SH3PXD2B: variants seen among roughly 807,000 people sequenced by gnomAD.
SH3PXD2B encodes SH3 and PX domain-containing protein 2B.
SH3PXD2B carries 37 observed loss-of-function variants against 73.1 expected under a neutral mutation model. The observed-to-expected ratio is 0.51, with a 90% confidence interval of 0.39 to 0.67. The LOEUF (loss-of-function observed/expected upper bound fraction) is 0.67, where lower values mean the gene tolerates loss of function less well. Among genes scored for constraint, SH3PXD2B ranks in the 30% least tolerant of loss-of-function variants. The pLI is 0.00. For missense variants in SH3PXD2B, 1,053 were observed against 1,197.8 expected (o/e 0.88, Z 1.78); for synonymous variants, 457 against 480.5 (o/e 0.95, Z 0.64).
In SH3PXD2B at chr5:172,337,511, G is replaced by A. The variant is rs1756732714; in HGVS notation, c.*858C>T. 4 of 985,404 alleles carry A rather than the reference G, an allele frequency of 4.1e-6. No individual in the cohort carries two copies. Among genetic ancestry groups the A allele is most frequent in the Non-Finnish European group, 4.8e-6 (4 of 829,988 alleles). 61.0% of individuals were successfully genotyped at this position (985,404 alleles called of 1,614,324 possible). On this transcript the variant is annotated 3_prime_UTR_variant, in exon 13 of 13. Coordinates refer to ENST00000311601, the MANE Select transcript of SH3PXD2B (RefSeq NM_001017995.3). The stretch of plus-strand genomic sequence containing the variant: ...CACCCACGAGGCACTCAGCAAAGGG[G>A]TGCTCACAAGGGCACGACTTGTGAA...
Position 172,350,544 on chromosome 5 carries a change from C to T in SH3PXD2B, c.831G>A (p.Lys277=), listed in dbSNP as rs746210492. The change falls in exon 10 of 13, where the codon AAG becomes AAA. Residue 277 remains lysine, a synonymous_variant. Coordinates refer to ENST00000311601, the MANE Select transcript of SH3PXD2B (RefSeq NM_001017995.3). ...TCGGGGGCAAGGGCTCCCCACTGTT[C>T]TTCTTTAGGTAGGAGGCGGGGGCCC... ...EGWAPASYLK[K]NSGEPLPPKP... is the part of the protein sequence containing the mutation. 3.1e-6 allele frequency: 5 copies of T among 1,613,440 alleles called. No homozygotes were observed. The highest frequency in any genetic ancestry group is 2.2e-5 in the East Asian group (1 of 44,870).
chr5:172,401,530 A>C (rs1347305707), intron 3 of SH3PXD2B, among the ~76,000 whole-genome samples: 2 of 152,172 alleles, frequency 1.3e-5, no homozygotes, highest in Non-Finnish European at 2.9e-5. Flanking sequence ...CCAGTCAAAG[A>C]ATCCGGCATC....
At position 172,344,512 on chromosome 5, in the gene SH3PXD2B, T is replaced by G. The variant is rs1224361588; in HGVS notation, c.1188+1624A>C. Among the ~76,000 whole-genome samples, 3 of 131,470 alleles carry G rather than the reference T, an allele frequency of 2.3e-5. No individual in the cohort carries two copies. In the Admixed American group the frequency reaches 2.9e-4, roughly 13 times the overall value. The allele number at this position is 131,470 out of a possible 152,430, so 86.2% of individuals were successfully genotyped here. A position where few individuals can be genotyped will look rare whatever the true frequency, so the allele number is the denominator to read the frequency against. On this transcript the variant is annotated intron_variant, in intron 12 of 12. Transcript: ENST00000311601. The stretch of plus-strand genomic sequence containing the variant: ...CTGAGGCAGGAGAATCACTTGAACC[T>G]GGGAGGCGGAGGTTGCAGTGAGCTG...
Position 172,336,877 on chromosome 5 carries a change from TTTC to T in SH3PXD2B, c.*1489_*1491del. On this transcript the variant is annotated 3_prime_UTR_variant, in exon 13 of 13. Transcript: ENST00000311601. ...GACAGATGACCACATCTGCCCTGGG[TTTC>T]TTCAAGGGAGAAAACAGATTTGGCA... 1.0e-6 allele frequency: 1 copy of T among 985,280 alleles called. No homozygotes were observed. Among genetic ancestry groups the T allele is most frequent in the South Asian group, 4.7e-5 (1 of 21,272 alleles). The allele number at this position is 985,280 out of a possible 1,614,324, so 61.0% of individuals were successfully genotyped here. A position where few individuals can be genotyped will look rare whatever the true frequency, so the allele number is the denominator to read the frequency against.
In SH3PXD2B at chr5:172,355,765, C is replaced by T. The variant is rs921929893; in HGVS notation, c.668-1760G>A. Reference sequence around the variant, plus strand: ...TTCACCGTGTTAGCCGGGATGGTCTCGATCTCCTGACCTCGTGATCCGCCC... The same window carrying T: ...TTCACCGTGTTAGCCGGGATGGTCTTGATCTCCTGACCTCGTGATCCGCCC... On this transcript the variant is annotated intron_variant, in intron 8 of 12. Coordinates refer to ENST00000311601, the MANE Select transcript of SH3PXD2B (RefSeq NM_001017995.3). Among the ~76,000 whole-genome samples, 7 of 151,992 alleles carry T rather than the reference C, an allele frequency of 4.6e-5. No homozygotes were observed. The East Asian group carries it at 5.8e-4, about 13-fold the overall frequency.
In SH3PXD2B at chr5:172,337,727, G is replaced by T; in HGVS notation, c.*642C>A. 1.0e-6 allele frequency: 1 copy of T among 992,916 alleles called. No individual in the cohort carries two copies. The highest frequency in any genetic ancestry group is 1.2e-6 in the Non-Finnish European group (1 of 834,374). 61.5% of individuals were successfully genotyped at this position (992,916 alleles called of 1,614,324 possible). Reference sequence around the variant, plus strand: ...ACGGTCCCAAGATAGAAGGTGGGAGGCAGGGCGGCTGAGCGGATCTCCAGG... The same window carrying T: ...ACGGTCCCAAGATAGAAGGTGGGAGTCAGGGCGGCTGAGCGGATCTCCAGG... On this transcript the variant is annotated 3_prime_UTR_variant, in exon 13 of 13. Coordinates refer to ENST00000311601, the MANE Select transcript of SH3PXD2B (RefSeq NM_001017995.3).
At chr5:172,348,699 C>CT (rs1757080270) in intron 10 of SH3PXD2B, among the ~76,000 whole-genome samples, 1 of 42,148 alleles carries the variant, frequency 2.4e-5, no homozygotes, top group African/African-American at 7.3e-5. Flanking sequence ...ATCTATCTAT[C>CT]TATCTATCTA....
At chr5:172,432,725 T>G (rs974048186) in intron 1 of SH3PXD2B, among the ~76,000 whole-genome samples, 1 of 152,154 alleles carries the variant, frequency 6.6e-6, no homozygotes, top group African/African-American at 2.4e-5. Context: ...AAGACCAGCC[T>G]GGCTGGTGAA....
chr5:172,424,185 C>G (rs1759040109), intron 1 of SH3PXD2B, among the ~76,000 whole-genome samples: 1 of 152,236 alleles, frequency 6.6e-6, no homozygotes, highest in Non-Finnish European at 1.5e-5. Flanking sequence ...TGGGCCACAT[C>G]CACTGTCTTG....
chr5:172,434,563 A>T (rs766576243), intron 1 of SH3PXD2B, among the ~76,000 whole-genome samples: 1 of 152,164 alleles, frequency 6.6e-6, no homozygotes, highest in Non-Finnish European at 1.5e-5. Flanking sequence ...GAACTGGAAA[A>T]CAAGGTAAAA....
At chr5:172,409,778 C>T (rs576701710) in intron 2 of SH3PXD2B, among the ~76,000 whole-genome samples, 11 of 152,264 alleles carry the variant, frequency 7.2e-5, no homozygotes, top group East Asian at 1.9e-4. Context: ...TGCAATGGCA[C>T]GATCTTGGCT....
Position 172,335,316 on chromosome 5 carries a change from G to A in SH3PXD2B, c.*3053C>T, listed in dbSNP as rs556837114. 32 of 1,174,794 alleles carry A rather than the reference G, an allele frequency of 2.7e-5. No individual in the cohort carries two copies. The East Asian group carries it at 8.0e-4, about 29-fold the overall frequency. The allele number at this position is 1,174,794 out of a possible 1,614,324, so 72.8% of individuals were successfully genotyped here. A position where few individuals can be genotyped will look rare whatever the true frequency, so the allele number is the denominator to read the frequency against. On this transcript the variant is annotated 3_prime_UTR_variant, in exon 13 of 13. Transcript: ENST00000311601. Reference sequence around the variant, plus strand: ...CTACTGAAATGTGTGAGCAAGGGGCGGGGGGAAGAGGCACCGAAATTCAGA... The same window carrying A: ...CTACTGAAATGTGTGAGCAAGGGGCAGGGGGAAGAGGCACCGAAATTCAGA...
intron 6 of SH3PXD2B, among the ~76,000 whole-genome samples, chr5:172,369,223 G>GTTTTC (rs1757646703): frequency 6.7e-6 from 1 of 148,936 alleles, no homozygotes; most frequent in African/African-American, 2.5e-5. Context: ...TTTTTGTTTT[G>GTTTTC]TTTTGTTTTG....
intron 5 of SH3PXD2B, among the ~76,000 whole-genome samples, chr5:172,378,058 A>C (rs1039592807): frequency 4.0e-5 from 6 of 151,670 alleles, no homozygotes; most frequent in Non-Finnish European, 8.8e-5. Flanking sequence ...AAAGAGAGGA[A>C]GCCAGAGAGT....
At chr5:172,327,070 C>A (rs1024297088) in intron 12 of SH3PXD2B, among the ~76,000 whole-genome samples, 2 of 151,908 alleles carry the variant, frequency 1.3e-5, no homozygotes, top group African/African-American at 2.4e-5. Context: ...ATGTTGGCCA[C>A]GCTGGTCTCG....
chr5:172,447,720 G>A (rs1759705858), intron 1 of SH3PXD2B, among the ~76,000 whole-genome samples: 1 of 152,226 alleles, frequency 6.6e-6, no homozygotes, highest in Non-Finnish European at 1.5e-5. Flanking sequence ...TTGATTCAAA[G>A]TCTGAACTAA....
At chr5:172,345,160 T>C in intron 12 of SH3PXD2B, among the ~76,000 whole-genome samples, 1 of 147,486 alleles carries the variant, frequency 6.8e-6, no homozygotes, top group South Asian at 2.1e-4. Context: ...GCAGGCAGGC[T>C]ATAGTCCTTC....
At position 172,354,124 on chromosome 5, in the gene SH3PXD2B, C is replaced by CA. The variant is rs2113298694; in HGVS notation, c.668-120_668-119insT. On this transcript the variant is annotated intron_variant, in intron 8 of 12. Transcript: ENST00000311601. Reference sequence around the variant, plus strand: ...ATTTCCTTCAGAGATTTCTGGGCACCCCCCCTGGCCCTGACCTAGCCCTGG... The same window carrying CA: ...ATTTCCTTCAGAGATTTCTGGGCACCACCCCCTGGCCCTGACCTAGCCCTGG... 3.2e-6 allele frequency: 3 copies of CA among 943,264 alleles called. No homozygotes were observed. In the African/African-American group the frequency reaches 4.8e-5, roughly 15 times the overall value. The allele number at this position is 943,264 out of a possible 1,614,324, so 58.4% of individuals were successfully genotyped here. A position where few individuals can be genotyped will look rare whatever the true frequency, so the allele number is the denominator to read the frequency against.
chr5:172,382,863 G>T (rs538570439), intron 4 of SH3PXD2B, among the ~76,000 whole-genome samples: 2 of 151,778 alleles, frequency 1.3e-5, no homozygotes, highest in South Asian at 4.2e-4. Flanking sequence ...TGAGTAGCTG[G>T]GATTATAGGC....
Sources: gnomAD v4.1 joint callset for allele counts (sites outside exome capture counted in the v4.1 genomes callset) on GRCh38, gnomAD v4.1.1 for gene constraint, MANE v1.5 for transcripts, NCBI Gene and HGNC (gene_info 2026-07-23, HGNC 2026-07-21) for gene names.